Variants in RGS7 observed in about 807,000 individuals in gnomAD.
The protein encoded by RGS7 is regulator of G-protein signaling 7.
RGS7 carries 27 observed loss-of-function variants against 81.1 expected under a neutral mutation model. That is an observed-to-expected ratio of 0.33 (90% CI 0.25 to 0.46). The LOEUF (loss-of-function observed/expected upper bound fraction) is 0.46. RGS7 is among the 20% of genes least tolerant of loss of function. The pLI is 1.00. For missense variants in RGS7, 396 were observed against 607.4 expected (o/e 0.65, Z 3.66); for synonymous variants, 208 against 207.7 (o/e 1.00, Z -0.01).
chr1:241,122,524 C>T (rs913267718), intron 2 of RGS7, among the ~76,000 whole-genome samples: 2 of 151,828 alleles, frequency 1.3e-5, no homozygotes, highest in Non-Finnish European at 2.9e-5. Flanking sequence ...TAGCCAGGCA[C>T]GGTGGTGCAT....
chr1:241,181,623 G>T (rs929037504), intron 2 of RGS7, among the ~76,000 whole-genome samples: 5 of 152,196 alleles, frequency 3.3e-5, no homozygotes, highest in Non-Finnish European at 7.4e-5. Flanking sequence ...GGATACAGAA[G>T]AATGCTAGGA....
chr1:241,044,727 C>T (rs2060821885), intron 3 of RGS7, among the ~76,000 whole-genome samples: 1 of 152,084 alleles, frequency 6.6e-6, no homozygotes, highest in Admixed American at 6.6e-5. Flanking sequence ...GCCACCACAC[C>T]TGACTTGTTT....
At chr1:241,215,941 A>C (rs1394186951) in intron 2 of RGS7, among the ~76,000 whole-genome samples, 2 of 152,238 alleles carry the variant, frequency 1.3e-5, no homozygotes, top group Non-Finnish European at 2.9e-5. Flanking sequence ...TTTTCAAAAA[A>C]TAGACAAACC....
At chr1:241,309,721 T>G (rs1335477740) in intron 2 of RGS7, among the ~76,000 whole-genome samples, 1 of 152,120 alleles carries the variant, frequency 6.6e-6, no homozygotes, top group Non-Finnish European at 1.5e-5. Flanking sequence ...TGTAAAGGAG[T>G]CCTGGTTTAC....
At chr1:240,839,075 T>A (rs1271092966) in intron 9 of RGS7, among the ~76,000 whole-genome samples, 2 of 152,196 alleles carry the variant, frequency 1.3e-5, no homozygotes, top group Non-Finnish European at 2.9e-5. Flanking sequence ...TATTTTGCTG[T>A]CTTTAAGACA....
chr1:241,324,342 CA>C (rs71568996), intron 2 of RGS7, among the ~76,000 whole-genome samples: 2,236 of 144,642 alleles, frequency 0.015, 63 homozygotes, highest in African/African-American at 0.047. Flanking sequence ...GCAAAAAAAA[CA>C]AAAAAAAAAG....
rs540566964 is a variant in RGS7 at position 241,345,095 on chromosome 1, G to T, written c.78+10604C>A. On this transcript the variant is annotated intron_variant, in intron 2 of 18. Transcript: ENST00000440928. ...TCATGTCTTTTGTGGGAACATGGAAGTAGCTGGAGGCCATGATCCTCAGCA... is the reference window on the plus strand; with the variant it reads ...TCATGTCTTTTGTGGGAACATGGAATTAGCTGGAGGCCATGATCCTCAGCA... Among the ~76,000 whole-genome samples, 7 of 152,314 alleles carry T rather than the reference G, an allele frequency of 4.6e-5. No homozygotes were observed. In the East Asian group the frequency reaches 1.3e-3, roughly 29 times the overall value.
intron 4 of RGS7, among the ~76,000 whole-genome samples, chr1:240,973,288 G>C (rs957596187): frequency 6.6e-6 from 1 of 152,080 alleles, no homozygotes; most frequent in East Asian, 2.0e-4. Context: ...GGAGGCTGAG[G>C]AGGGCAGATC....
chr1:240,952,303 G>C (rs962324868), intron 4 of RGS7, among the ~76,000 whole-genome samples: 3 of 151,940 alleles, frequency 2.0e-5, no homozygotes, highest in African/African-American at 7.2e-5. Flanking sequence ...AACAGTATTA[G>C]GTGATTATAA....
At chr1:240,831,068 TAAG>T (rs1315372607) in intron 9 of RGS7, among the ~76,000 whole-genome samples, 1 of 152,166 alleles carries the variant, frequency 6.6e-6, no homozygotes, top group Non-Finnish European at 1.5e-5. Context: ...GACTGAACGG[TAAG>T]ATATGTTTTA....
chr1:241,166,370 A>T (rs1300161394), intron 2 of RGS7, among the ~76,000 whole-genome samples: 1 of 152,208 alleles, frequency 6.6e-6, no homozygotes, highest in East Asian at 1.9e-4. Flanking sequence ...GAATGTAATA[A>T]GATAAGATTG....
intron 9 of RGS7, among the ~76,000 whole-genome samples, chr1:240,847,378 T>A (rs1659284285): frequency 6.6e-6 from 1 of 152,214 alleles, no homozygotes; most frequent in South Asian, 2.1e-4. Flanking sequence ...AGGCATTTAG[T>A]AAAATCTCAC....
chr1:241,089,266 C>T (rs1331358182), intron 3 of RGS7, among the ~76,000 whole-genome samples: 1 of 150,484 alleles, frequency 6.6e-6, no homozygotes, highest in Non-Finnish European at 1.5e-5. Flanking sequence ...GAAGTGATAC[C>T]AGATGAGGTC....
chr1:241,321,586 T>C (rs889376412), intron 2 of RGS7, among the ~76,000 whole-genome samples: 12 of 152,174 alleles, frequency 7.9e-5, no homozygotes, highest in African/African-American at 2.7e-4. Context: ...TCTCAAACCA[T>C]AGAACACTAT....
chr1:241,355,632 T>A, intron 2 of RGS7, 67 bp downstream of exon 2: 1 of 1,389,516 alleles, frequency 7.2e-7, no homozygotes, highest in South Asian at 1.2e-5. Context: ...TACTCTGATC[T>A]AGAGGGGGAA....
chr1:241,252,117 C>T (rs2076861708), intron 2 of RGS7, among the ~76,000 whole-genome samples: 1 of 151,290 alleles, frequency 6.6e-6, no homozygotes, highest in Admixed American at 6.6e-5. Flanking sequence ...GACCTCGGCT[C>T]ACTGCAACCT....
At chr1:241,320,758 G>T (rs1255911654) in intron 2 of RGS7, among the ~76,000 whole-genome samples, 1 of 152,192 alleles carries the variant, frequency 6.6e-6, no homozygotes, top group Admixed American at 6.5e-5. Flanking sequence ...CAAATCCACA[G>T]TTGCAGTAGT....
Position 240,832,227 on chromosome 1 carries a change from C to A in RGS7, c.610-5055G>T, listed in dbSNP as rs113245950. Among the ~76,000 whole-genome samples, 952 of 152,180 alleles carry A rather than the reference C, an allele frequency of 6.3e-3. 8 individuals are homozygous for A. Among genetic ancestry groups the A allele is most frequent in the African/African-American group, 0.021 (861 of 41,522 alleles). On this transcript the variant is annotated intron_variant, in intron 9 of 18. Coordinates refer to ENST00000440928, the MANE Select transcript of RGS7 (RefSeq NM_001364886.1). ...TACCAAGTAGACATTCCATTAAAAT[C>A]TTCAAATATATACTATTTGCTGGAT...
At chr1:241,125,427 G>GACACACAC (rs59757330) in intron 2 of RGS7, among the ~76,000 whole-genome samples, 6 of 149,242 alleles carry the variant, frequency 4.0e-5, no homozygotes, top group East Asian at 4.0e-4. Flanking sequence ...CAAAGACATG[G>GACACACAC]ACACACACAC....
Sources: allele counts gnomAD v4.1 joint callset (sites outside exome capture counted in the v4.1 genomes callset), GRCh38; gene constraint gnomAD v4.1.1; transcripts MANE v1.5; gene names NCBI Gene and HGNC (gene_info 2026-07-23, HGNC 2026-07-21).